EYA4: variants seen among roughly 807,000 people sequenced by gnomAD.
The protein encoded by EYA4 is protein phosphatase EYA4.
In EYA4, 31 loss-of-function variants were observed where a neutral mutation model predicts 87.9. The ratio of observed to expected loss-of-function variants is 0.35; its 90% confidence interval spans 0.27 to 0.48. The LOEUF is 0.48. Ranked by LOEUF, EYA4 falls within the 20% of genes least tolerant of loss-of-function variation. The pLI is 0.99. For synonymous variants in EYA4, 263 were observed against 270.6 expected, an observed-to-expected ratio of 0.97 and a Z score of 0.28; for missense variants, 678 against 761.4, an observed-to-expected ratio of 0.89 and a Z score of 1.29.
At chr6:133,304,328 A>C (rs944119954) in intron 2 of EYA4, among the ~76,000 whole-genome samples, 2 of 152,166 alleles carry the variant, frequency 1.3e-5, no homozygotes, top group African/African-American at 4.8e-5. Flanking sequence ...GCTGTGCCGG[A>C]TTCTCTGGAG....
chr6:133,528,812 T>C lies in EYA4; in HGVS notation c.*7T>C, dbSNP rs762905955. 1 of 1,613,442 alleles carries C rather than the reference T, an allele frequency of 6.2e-7. No homozygotes were observed. The highest frequency in any genetic ancestry group is 2.2e-5 in the East Asian group (1 of 44,866). ...GGAATTAGAGTATTTGTAACTGTGTTCTTTAGCCGGAGATCCATTTTTTAT... is the reference window on the plus strand; with the variant it reads ...GGAATTAGAGTATTTGTAACTGTGTCCTTTAGCCGGAGATCCATTTTTTAT... On this transcript the variant is annotated 3_prime_UTR_variant, in exon 20 of 20. Transcript: ENST00000355286.
At chr6:133,413,940 T>A (rs1234096016) in intron 3 of EYA4, among the ~76,000 whole-genome samples, 3 of 152,190 alleles carry the variant, frequency 2.0e-5, no homozygotes, top group Non-Finnish European at 4.4e-5. Flanking sequence ...CCTGATTCTT[T>A]TTTCATGCTC....
At chr6:133,494,312 C>T (rs1044997814) in intron 13 of EYA4, among the ~76,000 whole-genome samples, 1 of 152,056 alleles carries the variant, frequency 6.6e-6, no homozygotes, top group South Asian at 2.1e-4. Flanking sequence ...ATAAGCCAGG[C>T]ACAAGGTGAC....
Position 133,512,728 on chromosome 6 carries a change from A to T in EYA4, c.1289A>T (p.Asp430Val). The T allele has an allele frequency of 6.2e-7, 1 of 1,611,422 alleles. No homozygotes were observed. The highest frequency in any genetic ancestry group is 8.5e-7 in the Non-Finnish European group (1 of 1,177,508). Residue 430 changes from aspartate (D) to valine (V), a missense_variant, in exon 15 of 20, where the codon GAT (aspartate) becomes GTT (valine). Physicochemically the swap from Asp to Val is radical, Grantham distance 152. Coordinates refer to ENST00000355286, the MANE Select transcript of EYA4 (RefSeq NM_004100.5). The part of the protein sequence containing the change: ...HLFFNDLEEC[D>V]QVHIDDVSSD... Reference sequence around the variant, plus strand: ...TTCCAATGTTTTTAACAGGAGTGTGATCAAGTTCATATAGATGATGTTTCC... The same window carrying T: ...TTCCAATGTTTTTAACAGGAGTGTGTTCAAGTTCATATAGATGATGTTTCC...
chr6:133,396,367 A>G (rs1787800680), intron 3 of EYA4, among the ~76,000 whole-genome samples: 1 of 152,194 alleles, frequency 6.6e-6, no homozygotes, highest in African/African-American at 2.4e-5. Flanking sequence ...CTAAAGTCCC[A>G]ACTAATGGGG....
intron 11 of EYA4, among the ~76,000 whole-genome samples, chr6:133,477,248 A>G (rs1429996526): frequency 1.3e-5 from 2 of 152,000 alleles, no homozygotes; most frequent in Non-Finnish European, 2.9e-5. Flanking sequence ...AGTGTGCAAG[A>G]TTTCTGTCCG....
At chr6:133,478,073 G>T (rs1795896549) in intron 11 of EYA4, among the ~76,000 whole-genome samples, 1 of 151,840 alleles carries the variant, frequency 6.6e-6, no homozygotes, top group South Asian at 2.1e-4. Context: ...CACCCAAAAT[G>T]GTGAAAATAA....
chr6:133,242,089 G>T (rs997468449), intron 1 of EYA4, among the ~76,000 whole-genome samples: 4 of 152,218 alleles, frequency 2.6e-5, no homozygotes, highest in Non-Finnish European at 5.9e-5. Context: ...GCAGTCCAGC[G>T]CGCGGCTTCT....
chr6:133,379,781 C>T (rs1331053123), intron 2 of EYA4, among the ~76,000 whole-genome samples: 1 of 152,110 alleles, frequency 6.6e-6, no homozygotes, highest in East Asian at 1.9e-4. Context: ...GCCATCTCTG[C>T]CTTCATGGAA....
chr6:133,382,794 CA>C (rs34082768), intron 3 of EYA4, among the ~76,000 whole-genome samples: 44,886 of 130,856 alleles, frequency 0.34, 8,145 homozygotes, highest in Middle Eastern at 0.48. Flanking sequence ...TCTGTGTTTA[CA>C]AAAAAAAAAA....
intron 2 of EYA4, among the ~76,000 whole-genome samples, chr6:133,347,684 G>T (rs142053554): frequency 0.012 from 1,844 of 152,188 alleles, 38 homozygotes; most frequent in African/African-American, 0.043. Flanking sequence ...TTAACTTTAT[G>T]CATAGATAAC....
At chr6:133,431,320 T>G (rs775073666) in intron 3 of EYA4, among the ~76,000 whole-genome samples, 1 of 152,180 alleles carries the variant, frequency 6.6e-6, no homozygotes. Context: ...TCACTCTAAC[T>G]GCCTTGGGGA....
At chr6:133,411,146 C>T (rs80282966) in intron 3 of EYA4, among the ~76,000 whole-genome samples, 8,365 of 152,236 alleles carry the variant, frequency 0.055, 684 homozygotes, top group African/African-American at 0.17. Flanking sequence ...TATAGTACAA[C>T]TGTATAAACA....
At chr6:133,448,049 A>G (rs1016578459) in intron 4 of EYA4, 62 bp from the exon 5 acceptor site, 20 of 1,262,428 alleles carry the variant, frequency 1.6e-5, no homozygotes, top group Admixed American at 3.4e-5. Context: ...AGCATTGAAG[A>G]TTATTCATAT....
At chr6:133,513,972 AT>A (rs1799382359) in intron 16 of EYA4, among the ~76,000 whole-genome samples, 2 of 152,104 alleles carry the variant, frequency 1.3e-5, no homozygotes, top group South Asian at 4.1e-4. Context: ...ATATAATCAC[AT>A]ATATCCATAT....
chr6:133,447,523 A>G (rs764815793), intron 4 of EYA4, among the ~76,000 whole-genome samples: 13 of 152,178 alleles, frequency 8.5e-5, no homozygotes, highest in Admixed American at 3.9e-4. Context: ...CATCTAGCCA[A>G]TAAATTTAGA....
In EYA4 at chr6:133,331,041, T is replaced by TG. The variant is rs1265081132; in HGVS notation, c.34-51351_34-51350insG. On this transcript the variant is annotated intron_variant, in intron 2 of 19. Transcript: ENST00000355286. ...TAACCAAACGGGTTTTTTTTTTTTT[T>TG]TTTTTTTGCACCAGAACCAGAAGTA... Among the ~76,000 whole-genome samples the TG allele has an allele frequency of 1.8e-3, 274 of 151,134 alleles. 1 individual carries two copies. Among genetic ancestry groups the TG allele is most frequent in the African/African-American group, 6.4e-3 (263 of 41,122 alleles).
intron 3 of EYA4, among the ~76,000 whole-genome samples, chr6:133,413,387 A>G (rs1789415445): frequency 6.7e-6 from 1 of 149,896 alleles, no homozygotes; most frequent in African/African-American, 2.4e-5. Flanking sequence ...GTCTCCTACC[A>G]TTTCAGAGGT....
intron 2 of EYA4, among the ~76,000 whole-genome samples, chr6:133,318,135 T>C (rs1329698807): frequency 1.3e-5 from 2 of 152,240 alleles, no homozygotes; most frequent in Non-Finnish European, 2.9e-5. Context: ...CTTTATTTCT[T>C]AGCATGTAGT....
Sources: gnomAD v4.1 joint callset for allele counts (sites outside exome capture counted in the v4.1 genomes callset) on GRCh38, gnomAD v4.1.1 for gene constraint, MANE v1.5 for transcripts, NCBI Gene and HGNC (gene_info 2026-07-23, HGNC 2026-07-21) for gene names.